TBCEL: variants seen among roughly 807,000 people sequenced by gnomAD.
TBCEL encodes the protein tubulin-specific chaperone cofactor E-like protein.
Under a neutral mutation model 44.2 loss-of-function variants are expected in TBCEL, and 15 were observed. The ratio of observed to expected loss-of-function variants is 0.34; its 90% CI spans 0.23 to 0.52. The LOEUF is 0.52. TBCEL is among the 20% of genes least tolerant of loss of function. TBCEL has a pLI of 0.95. For synonymous variants in TBCEL, 171 were observed against 185.4 expected (o/e 0.92, Z 0.63); for missense variants, 319 against 506.3 (o/e 0.63, Z 3.55).
chr11:121,061,828 A>G (rs1160925469), intron 8 of TBCEL, among the ~76,000 whole-genome samples: 4 of 152,072 alleles, frequency 2.6e-5, no homozygotes, highest in Non-Finnish European at 5.9e-5. Flanking sequence ...GTACACTACT[A>G]TAGACTTTAT....
chr11:121,039,919 C>T (rs193014135), intron 2 of TBCEL, among the ~76,000 whole-genome samples: 6 of 152,092 alleles, frequency 3.9e-5, no homozygotes, highest in African/African-American at 7.2e-5. Context: ...AGGATTGATT[C>T]GTTGTACAAA....
chr11:121,039,822 T>G (rs73589525), intron 2 of TBCEL, among the ~76,000 whole-genome samples: 3,747 of 152,300 alleles, frequency 0.025, 158 homozygotes, highest in African/African-American at 0.084. Flanking sequence ...ATTGTTTACC[T>G]GAAGTTTTGT....
chr11:121,038,320 A>T (rs1184866536), intron 2 of TBCEL, among the ~76,000 whole-genome samples: 1 of 152,198 alleles, frequency 6.6e-6, no homozygotes, highest in Non-Finnish European at 1.5e-5. Flanking sequence ...GTAGACCTTT[A>T]TTCGTTGATT....
intron 5 of TBCEL, 111 bp downstream of exon 5, chr11:121,053,843 G>A: frequency 1.6e-6 from 2 of 1,239,786 alleles, no homozygotes; most frequent in Admixed American, 2.7e-5. Flanking sequence ...ATTGAGTGGA[G>A]AAAGAGGTTA....
chr11:121,066,399 C>T (rs1025168630), intron 8 of TBCEL, among the ~76,000 whole-genome samples: 11 of 152,320 alleles, frequency 7.2e-5, no homozygotes, highest in African/African-American at 2.4e-4. Context: ...ATCTACTCCT[C>T]TTCAGTTTGT....
At chr11:121,063,400 A>G (rs1945761653) in intron 8 of TBCEL, among the ~76,000 whole-genome samples, 1 of 152,186 alleles carries the variant, frequency 6.6e-6, no homozygotes, top group South Asian at 2.1e-4. Flanking sequence ...CACAAATGAA[A>G]ATACATTTCT....
chr11:121,026,512 A>G (rs371070772), intron 1 of TBCEL, among the ~76,000 whole-genome samples: 33 of 152,276 alleles, frequency 2.2e-4, no homozygotes, highest in East Asian at 1.2e-3. Context: ...ATGAGTTCGT[A>G]TTATTTGTAA....
intron 2 of TBCEL, among the ~76,000 whole-genome samples, chr11:121,038,649 A>G (rs1945276764): frequency 6.6e-6 from 1 of 152,072 alleles, no homozygotes; most frequent in Non-Finnish European, 1.5e-5. Context: ...GGTTCTTTGA[A>G]GATAGCTGGG....
intron 8 of TBCEL, among the ~76,000 whole-genome samples, chr11:121,071,663 T>G (rs988165512): frequency 6.6e-6 from 1 of 152,218 alleles, no homozygotes; most frequent in African/African-American, 2.4e-5. Context: ...AATGCTGATT[T>G]GATTGTCATT....
intron 1 of TBCEL, among the ~76,000 whole-genome samples, chr11:121,029,326 C>T (rs936547845): frequency 2.6e-5 from 4 of 152,152 alleles, no homozygotes. Context: ...GTTTATTTGA[C>T]TCATATCAGC....
At chr11:121,076,591 G>A (rs573014006) in intron 8 of TBCEL, among the ~76,000 whole-genome samples, 2 of 151,968 alleles carry the variant, frequency 1.3e-5, no homozygotes, top group South Asian at 4.1e-4. Flanking sequence ...CAGTCATATT[G>A]TCTGTTACTT....
At chr11:121,027,462 G>C (rs1945066413) in intron 1 of TBCEL, among the ~76,000 whole-genome samples, 2 of 152,120 alleles carry the variant, frequency 1.3e-5, no homozygotes, top group Non-Finnish European at 2.9e-5. Flanking sequence ...CTGCTTTCCA[G>C]TACAGGCACT....
At chr11:121,077,701 T>C (rs1946057073) in intron 8 of TBCEL, among the ~76,000 whole-genome samples, 1 of 152,014 alleles carries the variant, frequency 6.6e-6, no homozygotes, top group South Asian at 2.1e-4. Context: ...TAAGCATAGA[T>C]CATTGATTTG....
intron 5 of TBCEL, chr11:121,054,826 T>C (rs1945591625): frequency 2.7e-6 from 1 of 373,298 alleles, no homozygotes; most frequent in Non-Finnish European, 4.7e-6. Flanking sequence ...ACAAAAGTAA[T>C]TTCGCACTAC....
intron 1 of TBCEL, among the ~76,000 whole-genome samples, chr11:121,034,776 ATG>A (rs1216316650): frequency 6.6e-6 from 1 of 152,222 alleles, no homozygotes; most frequent in Non-Finnish European, 1.5e-5. Context: ...ACATGCCAGT[ATG>A]TGATTAATCG....
rs931694331 is a variant in TBCEL, at chr11:121,090,124, T to C, written c.*3028T>C. ...ATAAGCCCCTAGTTATTAAGACTTCTCAGTTAATATTAAGGCCAAAATATA... is the reference window on the plus strand; with the variant it reads ...ATAAGCCCCTAGTTATTAAGACTTCCCAGTTAATATTAAGGCCAAAATATA... On this transcript the variant is annotated 3_prime_UTR_variant, in exon 9 of 9. Transcript: ENST00000683345. 4 of 152,228 alleles carry C rather than the reference T, an allele frequency of 2.6e-5. No individual in the cohort carries two copies. Among genetic ancestry groups the C allele is most frequent in the Non-Finnish European group, 5.9e-5 (4 of 68,036 alleles). 9.4% of individuals were successfully genotyped at this position (152,228 alleles called of 1,614,324 possible).
intron 8 of TBCEL, among the ~76,000 whole-genome samples, chr11:121,061,816 C>G (rs768192873): frequency 1.3e-5 from 2 of 152,088 alleles, no homozygotes; most frequent in Non-Finnish European, 2.9e-5. Context: ...TAGGACATTA[C>G]TGTACACTAC....
At chr11:121,025,424 C>T (rs945594958) in intron 1 of TBCEL, among the ~76,000 whole-genome samples, 1 of 152,024 alleles carries the variant, frequency 6.6e-6, no homozygotes, top group Admixed American at 6.6e-5. Flanking sequence ...AAAAATTATG[C>T]CCCACAGTAA....
At chr11:121,047,816 T>A (rs1945456656) in intron 4 of TBCEL, 149 bp downstream of exon 4, 2 of 1,004,360 alleles carry the variant, frequency 2.0e-6, no homozygotes, top group Non-Finnish European at 2.8e-6. Flanking sequence ...CTGTATGTCT[T>A]TATATCAAGA....
Sources: allele counts gnomAD v4.1 joint callset (sites outside exome capture counted in the v4.1 genomes callset), GRCh38; gene constraint gnomAD v4.1.1; transcripts MANE v1.5; gene names NCBI Gene and HGNC (gene_info 2026-07-23, HGNC 2026-07-21).